LRMDA: variants seen among roughly 807,000 people sequenced by gnomAD.
The protein encoded by LRMDA is leucine-rich melanocyte differentiation-associated protein.
LRMDA carries 18 observed loss-of-function variants against 29.8 expected under a neutral mutation model. The observed-to-expected ratio is 0.60, with a 90% CI of 0.42 to 0.90. LRMDA has a LOEUF of 0.90. Ranked by LOEUF, LRMDA falls within the 40% of genes least tolerant of loss-of-function variation. LRMDA has a pLI of 0.00. For missense variants in LRMDA, 273 were observed against 273.9 expected (o/e 1.00, Z 0.02); for synonymous variants, 125 against 109.4 (o/e 1.14, Z -0.89).
At chr10:75,632,894 A>C (rs1841345223) in intron 2 of LRMDA, among the ~76,000 whole-genome samples, 1 of 130,138 alleles carries the variant, frequency 7.7e-6, no homozygotes, top group Non-Finnish European at 1.5e-5. Flanking sequence ...CTTGTCATTG[A>C]CTTTGCTGTA....
intron 2 of LRMDA, among the ~76,000 whole-genome samples, chr10:75,740,867 A>T (rs1842820308): frequency 6.6e-6 from 1 of 152,208 alleles, no homozygotes; most frequent in African/African-American, 2.4e-5. Context: ...TAGTAAGAGT[A>T]TATTGCATTG....
intron 2 of LRMDA, among the ~76,000 whole-genome samples, chr10:75,674,695 G>A (rs953623342): frequency 1.1e-4 from 16 of 152,278 alleles, no homozygotes; most frequent in Middle Eastern, 3.4e-3. Context: ...TAAGCGAGCA[G>A]GGAGTTTTGG....
At chr10:76,492,469 A>C (rs1842843383) in intron 6 of LRMDA, among the ~76,000 whole-genome samples, 1 of 152,066 alleles carries the variant, frequency 6.6e-6, no homozygotes, top group African/African-American at 2.4e-5. Flanking sequence ...GGTGGTCTTC[A>C]GTAAGAGCTG....
At chr10:75,998,958 T>A (rs1847517557) in intron 2 of LRMDA, among the ~76,000 whole-genome samples, 1 of 152,110 alleles carries the variant, frequency 6.6e-6, no homozygotes, top group Non-Finnish European at 1.5e-5. Flanking sequence ...GAGGAAGAGC[T>A]CCTTTTTCAA....
At chr10:75,942,771 G>A (rs557558382) in intron 2 of LRMDA, among the ~76,000 whole-genome samples, 2 of 152,136 alleles carry the variant, frequency 1.3e-5, no homozygotes, top group Non-Finnish European at 2.9e-5. Flanking sequence ...CTTTAGCTGA[G>A]CATTTGAGGA....
chr10:76,493,538 A>G (rs954372173), intron 6 of LRMDA, among the ~76,000 whole-genome samples: 2 of 152,130 alleles, frequency 1.3e-5, no homozygotes, highest in Non-Finnish European at 2.9e-5. Context: ...ACGGTATTCA[A>G]TTATGTACGT....
intron 2 of LRMDA, among the ~76,000 whole-genome samples, chr10:75,568,737 C>G (rs1454237749): frequency 6.6e-6 from 1 of 152,212 alleles, no homozygotes; most frequent in Admixed American, 6.5e-5. Context: ...TTTTGGTATT[C>G]TTAAAGCTTT....
intron 5 of LRMDA, among the ~76,000 whole-genome samples, chr10:76,132,948 A>G (rs1337719189): frequency 1.4e-5 from 2 of 140,808 alleles, no homozygotes; most frequent in Non-Finnish European, 3.0e-5. Context: ...GACTACAGGC[A>G]TCCACCACCA....
intron 2 of LRMDA, among the ~76,000 whole-genome samples, chr10:75,562,974 A>G (rs1178788253): frequency 4.6e-5 from 7 of 151,876 alleles, no homozygotes; most frequent in Admixed American, 4.6e-4. Flanking sequence ...TTTTTCCTTC[A>G]TTTCAACCTT....
chr10:75,851,622 A>G (rs766280402), intron 2 of LRMDA, among the ~76,000 whole-genome samples: 3 of 152,206 alleles, frequency 2.0e-5, no homozygotes, highest in Non-Finnish European at 2.9e-5. Flanking sequence ...ATTAGTAGCA[A>G]GTTAGATGAT....
At chr10:76,327,018 G>A (rs773772988) in intron 6 of LRMDA, among the ~76,000 whole-genome samples, 1 of 151,800 alleles carries the variant, frequency 6.6e-6, no homozygotes, top group Non-Finnish European at 1.5e-5. Flanking sequence ...TTGTATGATA[G>A]AGGTCAGGTT....
At chr10:75,754,304 G>A (rs1355527777) in intron 2 of LRMDA, among the ~76,000 whole-genome samples, 2 of 152,188 alleles carry the variant, frequency 1.3e-5, no homozygotes, top group African/African-American at 4.8e-5. Context: ...TTGATGGCTT[G>A]TAGCCAGGAT....
chr10:75,849,875 G>A (rs1156612061), intron 2 of LRMDA, among the ~76,000 whole-genome samples: 1 of 152,228 alleles, frequency 6.6e-6, no homozygotes, highest in Non-Finnish European at 1.5e-5. Context: ...ATTAGTTATA[G>A]TATTAGTTAG....
At chr10:76,475,655 C>T (rs1022283399) in intron 6 of LRMDA, among the ~76,000 whole-genome samples, 2 of 152,068 alleles carry the variant, frequency 1.3e-5, no homozygotes, top group Non-Finnish European at 2.9e-5. Flanking sequence ...GGAAGTAAAG[C>T]ACTCCTCAGC....
At chr10:75,588,954 ATAGGTATATAGTG>A (rs980622801) in intron 2 of LRMDA, among the ~76,000 whole-genome samples, 24 of 152,344 alleles carry the variant, frequency 1.6e-4, no homozygotes, top group African/African-American at 5.5e-4. Context: ...TTAAAATTTT[ATAGGTATATAGTG>A]TTACATTTTA....
intron 2 of LRMDA, among the ~76,000 whole-genome samples, chr10:75,622,230 A>G (rs77385034): frequency 1.2e-4 from 19 of 152,208 alleles, no homozygotes; most frequent in Non-Finnish European, 2.5e-4. Context: ...TTTTCTGTGA[A>G]GTTGAAAATA....
intron 5 of LRMDA, among the ~76,000 whole-genome samples, chr10:76,256,874 A>G (rs1852603797): frequency 6.6e-6 from 1 of 152,206 alleles, no homozygotes. Context: ...ATTAGAGATC[A>G]CATCACAGTC....
At chr10:76,508,141 C>G (rs1375596249) in intron 6 of LRMDA, among the ~76,000 whole-genome samples, 2 of 152,152 alleles carry the variant, frequency 1.3e-5, no homozygotes, top group African/African-American at 4.8e-5. Flanking sequence ...TATGTGATAT[C>G]AATTTCTCCC....
chr10:75,784,713 A>G (rs1235626826), intron 2 of LRMDA, among the ~76,000 whole-genome samples: 1 of 152,076 alleles, frequency 6.6e-6, no homozygotes, highest in East Asian at 1.9e-4. Flanking sequence ...GAAAAAAAAA[A>G]AAAAAGAAAC....
Sources: gnomAD v4.1 joint callset for allele counts (sites outside exome capture counted in the v4.1 genomes callset) on GRCh38, gnomAD v4.1.1 for gene constraint, MANE v1.5 for transcripts, NCBI Gene and HGNC (gene_info 2026-07-23, HGNC 2026-07-21) for gene names.